The following C1QTNF3 variants were observed in gnomAD, a reference collection of about 807,000 sequenced individuals.
C1QTNF3 encodes the protein complement C1q tumor necrosis factor-related protein 3.
In C1QTNF3, 26 loss-of-function variants were observed where a neutral mutation model predicts 32.6. The ratio of observed to expected loss-of-function variants is 0.80; its 90% CI spans 0.58 to 1.11. C1QTNF3 has a LOEUF of 1.11. Ranked by LOEUF, C1QTNF3 falls within the 50% of genes least tolerant of loss-of-function variation. The pLI is 0.00. For missense variants in C1QTNF3, 362 were observed against 398.2 expected, an observed-to-expected ratio of 0.91 and a Z score of 0.77; for synonymous variants, 155 against 146.0, an observed-to-expected ratio of 1.06 and a Z score of -0.44.
At chr5:34,109,512 T>C in the C1QTNF3 span, among the ~76,000 whole-genome samples, 9 of 151,952 alleles carry the variant, frequency 5.9e-5, no homozygotes, top group East Asian at 1.2e-3. Context: ...TTACAAGGCA[T>C]TGGGGTATAA....
chr5:34,097,133 A>G, the C1QTNF3 span, among the ~76,000 whole-genome samples: 2 of 152,012 alleles, frequency 1.3e-5, no homozygotes, highest in Non-Finnish European at 1.5e-5. Flanking sequence ...TCAATAGTCC[A>G]TGAAGTTTTG....
chr5:34,093,832 G>T, the C1QTNF3 span, among the ~76,000 whole-genome samples: 1 of 152,120 alleles, frequency 6.6e-6, no homozygotes, highest in Non-Finnish European at 1.5e-5. Flanking sequence ...CATGAAACAC[G>T]GCGGGGTTAG....
rs536204437 is a variant in C1QTNF3 at position 34,026,837 on chromosome 5, G to T, written c.700+1917C>A. On this transcript the variant is annotated intron_variant, in intron 4 of 5. Coordinates refer to ENST00000382065, the MANE Select transcript of C1QTNF3 (RefSeq NM_181435.6). The stretch of plus-strand genomic sequence containing the variant: ...ACAATACTCTCCAAGAAAAAATGTT[G>T]TCATGTAGTAGATGAAAAATGTAGC... Among the ~76,000 whole-genome samples the T allele has an allele frequency of 5.0e-3, 761 of 152,280 alleles. 4 individuals are homozygous for T. The highest frequency in any genetic ancestry group is 7.8e-3 in the African/African-American group (325 of 41,556).
chr5:34,156,884 C>T, the C1QTNF3 span, among the ~76,000 whole-genome samples: 12,355 of 152,170 alleles, frequency 0.081, 1,242 homozygotes, highest in African/African-American at 0.23. Flanking sequence ...GAAACTCATT[C>T]TGTGAGTAAA....
the C1QTNF3 span, among the ~76,000 whole-genome samples, chr5:34,119,908 C>T: frequency 6.6e-6 from 1 of 152,146 alleles, no homozygotes; most frequent in South Asian, 2.1e-4. Flanking sequence ...CTCCCTTAAG[C>T]GATGTAACAT....
At chr5:34,073,770 AT>A in the C1QTNF3 span, among the ~76,000 whole-genome samples, 167 of 152,150 alleles carry the variant, frequency 1.1e-3, no homozygotes, top group African/African-American at 3.8e-3. Flanking sequence ...AGTAGTGCAT[AT>A]TTTTGACTCT....
chr5:34,244,097 T>A, the C1QTNF3 span, among the ~76,000 whole-genome samples: 1 of 152,210 alleles, frequency 6.6e-6, no homozygotes, highest in Non-Finnish European at 1.5e-5. Context: ...TAGTCTCTTA[T>A]GTCATTTTCA....
At chr5:34,039,017 G>T (rs1243044016) in intron 1 of C1QTNF3, among the ~76,000 whole-genome samples, 1 of 152,186 alleles carries the variant, frequency 6.6e-6, no homozygotes, top group Non-Finnish European at 1.5e-5. Flanking sequence ...TAAGATCTCA[G>T]GAGTTGCGCA....
chr5:34,143,867 C>T, the C1QTNF3 span, among the ~76,000 whole-genome samples: 1 of 152,254 alleles, frequency 6.6e-6, no homozygotes, highest in African/African-American at 2.4e-5. Flanking sequence ...AAAGCAACTA[C>T]ATGTTCAAGT....
chr5:34,201,441 C>T, the C1QTNF3 span, among the ~76,000 whole-genome samples: 3 of 152,026 alleles, frequency 2.0e-5, no homozygotes, highest in Admixed American at 6.6e-5. Context: ...TGAGACAATT[C>T]TTGATGGAAA....
chr5:34,240,328 T>A, the C1QTNF3 span, among the ~76,000 whole-genome samples: 1 of 151,372 alleles, frequency 6.6e-6, no homozygotes, highest in African/African-American at 2.4e-5. Flanking sequence ...TACAAAAGAT[T>A]AATGAAACCC....
the C1QTNF3 span, among the ~76,000 whole-genome samples, chr5:34,122,516 A>C: frequency 6.6e-6 from 1 of 152,206 alleles, no homozygotes; most frequent in Non-Finnish European, 1.5e-5. Flanking sequence ...TGGCTGAGGA[A>C]ATTTCTGAGC....
chr5:34,159,141 A>G, the C1QTNF3 span, among the ~76,000 whole-genome samples: 2 of 151,718 alleles, frequency 1.3e-5, no homozygotes, highest in Admixed American at 1.3e-4. Context: ...GTTTAAATTT[A>G]TCACATCAAT....
At chr5:34,039,134 G>A (rs1191725911) in intron 1 of C1QTNF3, among the ~76,000 whole-genome samples, 1 of 152,048 alleles carries the variant, frequency 6.6e-6, no homozygotes, top group Non-Finnish European at 1.5e-5. Flanking sequence ...AAGTGAGCAT[G>A]GTTACAACTC....
At chr5:34,177,531 G>GGCTGGAGT in the C1QTNF3 span, among the ~76,000 whole-genome samples, 2 of 132,682 alleles carry the variant, frequency 1.5e-5, no homozygotes, top group East Asian at 4.5e-4. Flanking sequence ...CTGTCGCCCA[G>GGCTGGAGT]GCTGGAGTGC....
At chr5:34,176,793 G>C in the C1QTNF3 span, among the ~76,000 whole-genome samples, 3 of 152,068 alleles carry the variant, frequency 2.0e-5, no homozygotes, top group Non-Finnish European at 4.4e-5. Context: ...GGAGGTCAAA[G>C]CTGTGGTGAG....
At chr5:34,077,528 A>G in the C1QTNF3 span, among the ~76,000 whole-genome samples, 4 of 151,830 alleles carry the variant, frequency 2.6e-5, no homozygotes, top group South Asian at 8.3e-4. Context: ...GAAAGTCAAA[A>G]CCTGGAATTA....
chr5:34,075,876 GGT>G, the C1QTNF3 span, among the ~76,000 whole-genome samples: 7,486 of 146,878 alleles, frequency 0.051, 617 homozygotes, highest in African/African-American at 0.15. Context: ...AAACAATTAT[GGT>G]GTGTGTGTGT....
the C1QTNF3 span, among the ~76,000 whole-genome samples, chr5:34,214,593 A>C: frequency 6.6e-6 from 1 of 152,106 alleles, no homozygotes; most frequent in East Asian, 1.9e-4. Flanking sequence ...ACAATTCTAC[A>C]AAATGTGGCA....
Sources: gnomAD v4.1 joint callset for allele counts (sites outside exome capture counted in the v4.1 genomes callset) on GRCh38, gnomAD v4.1.1 for gene constraint, MANE v1.5 for transcripts, NCBI Gene and HGNC (gene_info 2026-07-23, HGNC 2026-07-21) for gene names.